Variants in TMEM163 observed in about 807,000 individuals in gnomAD.
The protein encoded by TMEM163 is transmembrane protein 163.
Under a neutral mutation model 29.3 loss-of-function variants are expected in TMEM163, and 17 were observed. That is an observed-to-expected ratio of 0.58 (90% CI 0.40 to 0.87). TMEM163 has a LOEUF of 0.87. Ranked by LOEUF, TMEM163 falls within the 40% of genes least tolerant of loss-of-function variation. The probability of loss-of-function intolerance (pLI) is 0.00; values close to 1 mark genes in which losing one functional copy is unlikely to be tolerated. For synonymous variants in TMEM163, 157 were observed against 160.6 expected, an observed-to-expected ratio of 0.98 and a Z score of 0.17; for missense variants, 303 against 381.5, an observed-to-expected ratio of 0.79 and a Z score of 1.71.
chr2:134,623,859 T>C (rs1169303877), intron 2 of TMEM163, among the ~76,000 whole-genome samples: 2 of 152,210 alleles, frequency 1.3e-5, no homozygotes, highest in African/African-American at 2.4e-5. Flanking sequence ...GTAAGAATTC[T>C]AGCCTCTGAC....
intron 2 of TMEM163, among the ~76,000 whole-genome samples, chr2:134,638,769 A>G (rs2104838239): frequency 6.6e-6 from 1 of 152,336 alleles, no homozygotes; most frequent in Non-Finnish European, 1.5e-5. Context: ...CAAGCCTGAG[A>G]TGTCAGGAGG....
intron 2 of TMEM163, among the ~76,000 whole-genome samples, chr2:134,553,145 G>A (rs1438502431): frequency 6.6e-6 from 1 of 152,200 alleles, no homozygotes; most frequent in Non-Finnish European, 1.5e-5. Flanking sequence ...CCTACACTAA[G>A]AGTCAGCAAA....
intron 2 of TMEM163, among the ~76,000 whole-genome samples, chr2:134,566,534 G>C (rs1681304503): frequency 6.6e-6 from 1 of 152,148 alleles, no homozygotes; most frequent in Admixed American, 6.6e-5. Context: ...CCGCACTCCA[G>C]CCTGGGTGGC....
At chr2:134,548,816 T>C (rs1680844757) in intron 4 of TMEM163, among the ~76,000 whole-genome samples, 1 of 152,238 alleles carries the variant, frequency 6.6e-6, no homozygotes, top group African/African-American at 2.4e-5. Context: ...ATACAATATT[T>C]TAAGTAATTT....
At chr2:134,566,804 A>G (rs1166837615) in intron 2 of TMEM163, among the ~76,000 whole-genome samples, 1 of 152,240 alleles carries the variant, frequency 6.6e-6, no homozygotes, top group African/African-American at 2.4e-5. Context: ...ACAACAAAAT[A>G]TTAACCACTT....
At chr2:134,650,023 AAAG>A (rs1448817697) in intron 2 of TMEM163, among the ~76,000 whole-genome samples, 3 of 146,220 alleles carry the variant, frequency 2.1e-5, no homozygotes, top group African/African-American at 4.9e-5. Context: ...AAAAAAAAAA[AAAG>A]AATGATGTAG....
At chr2:134,604,505 T>A (rs1682306988) in intron 2 of TMEM163, among the ~76,000 whole-genome samples, 1 of 148,084 alleles carries the variant, frequency 6.8e-6, no homozygotes, top group Non-Finnish European at 1.5e-5. Flanking sequence ...TGTAAAGAGA[T>A]AAGGAGGGGT....
chr2:134,679,109 G>A (rs1165327160), intron 2 of TMEM163, among the ~76,000 whole-genome samples: 1 of 152,152 alleles, frequency 6.6e-6, no homozygotes, highest in Non-Finnish European at 1.5e-5. Context: ...GACCAGGCCA[G>A]GCCTCAGCCC....
At chr2:134,564,607 T>A (rs1010041334) in intron 2 of TMEM163, among the ~76,000 whole-genome samples, 1 of 152,154 alleles carries the variant, frequency 6.6e-6, no homozygotes, top group Non-Finnish European at 1.5e-5. Context: ...TTATAAAACA[T>A]AACTACCAGG....
At chr2:134,643,134 A>C (rs998965326) in intron 2 of TMEM163, among the ~76,000 whole-genome samples, 1 of 152,104 alleles carries the variant, frequency 6.6e-6, no homozygotes, top group Non-Finnish European at 1.5e-5. Context: ...GACACAAATT[A>C]CCAATATCAG....
intron 4 of TMEM163, among the ~76,000 whole-genome samples, chr2:134,516,742 C>A (rs79553888): frequency 7.1e-5 from 8 of 113,074 alleles, no homozygotes; most frequent in African/African-American, 1.2e-4. Flanking sequence ...CATATATATG[C>A]ATATATATAT....
intron 5 of TMEM163, among the ~76,000 whole-genome samples, chr2:134,497,134 A>G (rs575014087): frequency 6.6e-6 from 1 of 152,310 alleles, no homozygotes; most frequent in East Asian, 1.9e-4. Context: ...AGCTGTTATC[A>G]CTACATATTT....
intron 2 of TMEM163, among the ~76,000 whole-genome samples, chr2:134,630,168 C>T (rs1489125048): frequency 6.6e-6 from 1 of 152,060 alleles, no homozygotes; most frequent in African/African-American, 2.4e-5. Flanking sequence ...AGCACCTAAC[C>T]TCCCTGATCC....
chr2:134,713,684 C>T (rs1475975075), intron 1 of TMEM163: 1 of 466,138 alleles, frequency 2.1e-6, no homozygotes, highest in Non-Finnish European at 4.3e-6. Flanking sequence ...CAAGACCTTT[C>T]TGTTAGGAAA....
chr2:134,548,994 C>T (rs1485557341), intron 4 of TMEM163, among the ~76,000 whole-genome samples: 1 of 151,438 alleles, frequency 6.6e-6, no homozygotes, highest in Admixed American at 6.6e-5. Flanking sequence ...TTTTAAAAGT[C>T]AGTTTACTAC....
chr2:134,717,396 A>C (rs1445961026), intron 1 of TMEM163, among the ~76,000 whole-genome samples: 2 of 152,216 alleles, frequency 1.3e-5, no homozygotes, highest in Non-Finnish European at 2.9e-5. Flanking sequence ...GAGAAACTGC[A>C]ACAGAGGTGC....
intron 5 of TMEM163, among the ~76,000 whole-genome samples, chr2:134,478,410 T>C (rs923826808): frequency 6.6e-6 from 1 of 152,178 alleles, no homozygotes; most frequent in Non-Finnish European, 1.5e-5. Context: ...CATAAAAATA[T>C]GGGCAGTGAA....
At chr2:134,683,413 A>G (rs1393483633) in intron 2 of TMEM163, among the ~76,000 whole-genome samples, 1 of 147,642 alleles carries the variant, frequency 6.8e-6, no homozygotes, top group East Asian at 1.9e-4. Context: ...CTGCTCTAAA[A>G]AAGTCTTTAA....
chr2:134,497,767 TG>T (rs1485159518), intron 5 of TMEM163, among the ~76,000 whole-genome samples: 1 of 151,866 alleles, frequency 6.6e-6, no homozygotes, highest in African/African-American at 2.4e-5. Context: ...CAGTTAGGGG[TG>T]GGTTAGGCCT....
Sources: gnomAD v4.1 joint callset for allele counts (sites outside exome capture counted in the v4.1 genomes callset) on GRCh38, gnomAD v4.1.1 for gene constraint, MANE v1.5 for transcripts, NCBI Gene and HGNC (gene_info 2026-07-23, HGNC 2026-07-21) for gene names.